Variants in PTPN1 observed in about 807,000 individuals in gnomAD.
PTPN1 encodes tyrosine-protein phosphatase non-receptor type 1.
Under a neutral mutation model 59.9 loss-of-function variants are expected in PTPN1, and 12 were observed. That is an observed-to-expected ratio of 0.20 (90% confidence interval 0.13 to 0.32). PTPN1 has a LOEUF of 0.32. Ranked by LOEUF, PTPN1 falls within the 10% of genes least tolerant of loss-of-function variation. The pLI, the probability that PTPN1 is intolerant of heterozygous loss-of-function variation, is 1.00. For synonymous variants in PTPN1, 178 were observed against 203.6 expected, an observed-to-expected ratio of 0.87 and a Z score of 1.07; for missense variants, 356 against 549.2, an observed-to-expected ratio of 0.65 and a Z score of 3.52.
At chr20:50,559,964 T>C (rs73272523) in intron 1 of PTPN1, among the ~76,000 whole-genome samples, 1 of 151,968 alleles carries the variant, frequency 6.6e-6, no homozygotes, top group African/African-American at 2.4e-5. Context: ...TAGGGGCTTA[T>C]TGGAGTATGA....
At chr20:50,518,091 C>T (rs77834065) in intron 1 of PTPN1, among the ~76,000 whole-genome samples, 3,634 of 152,198 alleles carry the variant, frequency 0.024, 131 homozygotes, top group African/African-American at 0.079. Flanking sequence ...AAACGTTTTT[C>T]GACTTTTTTC....
chr20:50,574,242 G>A (rs1019887671), intron 4 of PTPN1: 16 of 405,184 alleles, frequency 3.9e-5, no homozygotes, highest in South Asian at 2.0e-4. Context: ...GTGAGAAAGC[G>A]TCAGAGCCCT....
chr20:50,581,271 T>G lies in PTPN1; in HGVS notation c.1095T>G (p.Ser365Arg). The change falls in exon 9 of 10, where the codon AGT becomes AGG. Residue 365 changes from serine (S) to arginine (R), a missense_variant. By Grantham distance (110) the Ser-to-Arg change is moderately radical (BLOSUM62 -1). This residue lies in a region of PTPN1 where 62 missense variants were observed against 97.2 expected (regional missense o/e 0.64). Transcript: ENST00000371621. ...NAAPYGIESM[S>R]QDTEVRSRVV... ...CTGCCCTCTGATTCCTCAGCATGAG[T>G]CAAGACACTGAAGTTAGAAGTCGGG... 1 of 1,605,196 alleles carries G rather than the reference T, an allele frequency of 6.2e-7. No homozygotes were observed.
chr20:50,543,644 A>G (rs1281407154), intron 1 of PTPN1, among the ~76,000 whole-genome samples: 1 of 152,246 alleles, frequency 6.6e-6, no homozygotes, highest in Non-Finnish European at 1.5e-5. Flanking sequence ...TATTCTCAGC[A>G]TAGTATGAGA....
chr20:50,576,489 G>A (rs1449597223), intron 5 of PTPN1, among the ~76,000 whole-genome samples: 1 of 152,216 alleles, frequency 6.6e-6, no homozygotes, highest in African/African-American at 2.4e-5. Context: ...AGGTGTGAGG[G>A]AGGGTGTCAG....
At position 50,579,739 on chromosome 20, in the gene PTPN1, C is replaced by A. The variant is rs1231034866; in HGVS notation, c.901C>A (p.Pro301Thr). ...GGAGCTTTCCCACGAGGACCTGGAG[C>A]CCCCACCCGAGCATATCCCCCCACC... ...WKELSHEDLEPPPEHIPPPPR... is the reference protein window; with the variant it reads ...WKELSHEDLETPPEHIPPPPR... The change falls in exon 8 of 10, where the codon CCC becomes ACC. Residue 301 changes from proline to threonine, a missense_variant. By Grantham distance (38) the Pro-to-Thr change is conservative. Around this residue, in one of 3 missense-constraint regions of PTPN1, gnomAD observed 100 missense variants for 107.7 expected, o/e 0.93. Coordinates refer to ENST00000371621, the MANE Select transcript of PTPN1 (RefSeq NM_002827.4). 14 of 1,612,562 alleles carry A rather than the reference C, an allele frequency of 8.7e-6. No individual in the cohort carries two copies. The Admixed American group carries it at 2.3e-4, about 27-fold the overall frequency.
At chr20:50,564,396 C>T (rs1295776984) in intron 2 of PTPN1, among the ~76,000 whole-genome samples, 3 of 152,098 alleles carry the variant, frequency 2.0e-5, no homozygotes, top group Non-Finnish European at 4.4e-5. Context: ...GAGTTCGAGA[C>T]CAGCCTGGCC....
intron 1 of PTPN1, 141 bp downstream of exon 1, chr20:50,510,731 C>T: frequency 1.1e-6 from 1 of 915,704 alleles, no homozygotes; most frequent in African/African-American, 1.8e-5. Context: ...GACAGCGACG[C>T]ACTGCGTCCC....
chr20:50,545,016 T>TG (rs1262240203), intron 1 of PTPN1, among the ~76,000 whole-genome samples: 1 of 152,148 alleles, frequency 6.6e-6, no homozygotes, highest in Non-Finnish European at 1.5e-5. Flanking sequence ...ATAATAATCA[T>TG]GATAAATAAA....
chr20:50,581,428 G>T lies in PTPN1; in HGVS notation c.1252G>T (p.Val418Phe). Residue 418 changes from valine (V) to phenylalanine (F), a missense_variant, in exon 9 of 10, where the codon GTC becomes TTC. By Grantham distance (50) the Val-to-Phe change is conservative (BLOSUM62 -1). Around this residue, in one of 3 missense-constraint regions of PTPN1, gnomAD observed 62 missense variants for 97.2 expected, o/e 0.64. Transcript: ENST00000371621. ...CCTGGTCAACATGTGCGTGGCTACG[G>T]TCCTCACGGCCGGCGCTTACCTCTG... is the stretch of plus-strand genomic sequence containing the variant. ...PFLVNMCVAT[V>F]LTAGAYLCYR... The T allele has an allele frequency of 6.2e-7, 1 of 1,613,092 alleles. No homozygotes were observed. Among genetic ancestry groups the T allele is most frequent in the Non-Finnish European group, 8.5e-7 (1 of 1,179,102 alleles).
chr20:50,541,091 T>C (rs1186030857), intron 1 of PTPN1, among the ~76,000 whole-genome samples: 3 of 152,070 alleles, frequency 2.0e-5, no homozygotes, highest in South Asian at 2.1e-4. Flanking sequence ...GAAGTAGAGG[T>C]GAAGAGGCAC....
At chr20:50,525,710 AAGG>A (rs565427612) in intron 1 of PTPN1, among the ~76,000 whole-genome samples, 133 of 152,290 alleles carry the variant, frequency 8.7e-4, no homozygotes, top group African/African-American at 3.0e-3. Context: ...ATGGATGACA[AAGG>A]AGAATAAAAA....
intron 3 of PTPN1, among the ~76,000 whole-genome samples, chr20:50,566,239 C>T (rs2082778590): frequency 1.3e-5 from 2 of 152,176 alleles, no homozygotes; most frequent in Admixed American, 1.3e-4. Flanking sequence ...AAAGTGACTT[C>T]TTGAGGACTT....
At chr20:50,521,987 C>A (rs968410609) in intron 1 of PTPN1, among the ~76,000 whole-genome samples, 1 of 152,144 alleles carries the variant, frequency 6.6e-6, no homozygotes, top group African/African-American at 2.4e-5. Context: ...TGAGTTTTCT[C>A]GTCAAGCTTG....
intron 1 of PTPN1, among the ~76,000 whole-genome samples, chr20:50,547,906 T>A (rs1262195852): frequency 1.3e-5 from 2 of 152,220 alleles, no homozygotes; most frequent in Non-Finnish European, 2.9e-5. Flanking sequence ...TCCCTTTTTA[T>A]TGTATTTTTA....
chr20:50,579,432 G>A, intron 7 of PTPN1, 103 bp downstream of exon 7: 1 of 1,294,614 alleles, frequency 7.7e-7, no homozygotes, highest in Non-Finnish European at 1.1e-6. Flanking sequence ...TGGTGTCAGG[G>A]GAAATAGCTA....
intron 1 of PTPN1, among the ~76,000 whole-genome samples, chr20:50,553,604 C>T (rs945237630): frequency 6.6e-6 from 1 of 152,010 alleles, no homozygotes; most frequent in Non-Finnish European, 1.5e-5. Context: ...AACATTCAAC[C>T]GAAAACCATC....
In PTPN1 at chr20:50,561,361, A is replaced by G; in HGVS notation, c.64-2A>G. 1 of 1,597,850 alleles carries G rather than the reference A, an allele frequency of 6.3e-7. No homozygotes were observed. Among genetic ancestry groups the G allele is most frequent in the Non-Finnish European group, 8.5e-7 (1 of 1,171,774 alleles). On this transcript the variant is annotated splice_acceptor_variant, in intron 1 of 9. Transcript: ENST00000371621. LOFTEE classifies it high-confidence loss of function. ...GTTAAATGTCTTTATTCTTTTTTGT[A>G]GGATATCCGACATGAAGCCAGTGAC...
At chr20:50,550,969 G>C (rs2082699769) in intron 1 of PTPN1, among the ~76,000 whole-genome samples, 2 of 152,174 alleles carry the variant, frequency 1.3e-5, no homozygotes, top group African/African-American at 4.8e-5. Flanking sequence ...ATTTCCGCAA[G>C]GATAAACTGG....
Sources: gnomAD v4.1 joint callset for allele counts (sites outside exome capture counted in the v4.1 genomes callset) on GRCh38, gnomAD v4.1.1 for gene constraint, gnomAD v4.1.1 regional missense constraint, MANE v1.5 for transcripts, NCBI Gene and HGNC (gene_info 2026-07-23, HGNC 2026-07-21) for gene names.